Variants in BRDT observed in about 807,000 individuals in gnomAD.
BRDT encodes the protein bromodomain testis-specific protein.
Under a neutral mutation model 113.9 loss-of-function variants are expected in BRDT, and 77 were observed. That is an observed-to-expected ratio of 0.68 (90% CI 0.56 to 0.82). The LOEUF (loss-of-function observed/expected upper bound fraction) is 0.82, where lower values mean the gene tolerates loss of function less well. Among genes scored for constraint, BRDT ranks in the 40% least tolerant of loss-of-function variants. The pLI is 0.00. For missense variants in BRDT, 1,027 were observed against 1,105.4 expected, an observed-to-expected ratio of 0.93 and a Z score of 1.01; for synonymous variants, 358 against 366.5, an observed-to-expected ratio of 0.98 and a Z score of 0.26.
intron 1 of BRDT, among the ~76,000 whole-genome samples, chr1:91,960,700 A>C (rs1473314159): frequency 1.3e-5 from 2 of 152,264 alleles, no homozygotes; most frequent in East Asian, 3.8e-4. Context: ...TTTACGCCAC[A>C]GTTCAAAAAT....
At chr1:92,013,974 G>A (rs1324185582) in intron 18 of BRDT, among the ~76,000 whole-genome samples, 2 of 151,928 alleles carry the variant, frequency 1.3e-5, no homozygotes, top group Admixed American at 1.3e-4. Context: ...GTTCTTGTAG[G>A]TTTTGTTTTT....
chr1:91,959,945 C>T (rs982264209), intron 1 of BRDT, among the ~76,000 whole-genome samples: 1 of 152,168 alleles, frequency 6.6e-6, no homozygotes, highest in Admixed American at 6.6e-5. Flanking sequence ...AAAACTGATT[C>T]CCAGGCGCTC....
chr1:91,981,499 CT>C (rs1684727789), intron 11 of BRDT, 118 bp downstream of exon 11: 1 of 1,535,686 alleles, frequency 6.5e-7, no homozygotes, highest in East Asian at 2.3e-5. Flanking sequence ...CCACCTTGGC[CT>C]CTCAAAGTGC....
At position 91,953,917 on chromosome 1, in the gene BRDT, A is replaced by G. The variant is rs139144192; in HGVS notation, c.-38+4235A>G. ...TCTTGACATTAGATTTCATCTGCTCATGATACATTTTTTTTTTTACTTAGC... is the reference window on the plus strand; with the variant it reads ...TCTTGACATTAGATTTCATCTGCTCGTGATACATTTTTTTTTTTACTTAGC... On this transcript the variant is annotated intron_variant, in intron 1 of 18. Transcript: ENST00000399546. 6.4e-3 allele frequency among the ~76,000 whole-genome samples: 980 copies of G among 152,092 alleles called. 12 individuals are homozygous for G. The highest frequency in any genetic ancestry group is 0.042 in the Admixed American group (641 of 15,262).
At chr1:91,964,852 C>A in intron 3 of BRDT, 88 bp downstream of exon 3, 10 of 949,078 alleles carry the variant, frequency 1.1e-5, no homozygotes, top group Admixed American at 3.0e-5. Context: ...TTTCAGATTT[C>A]AATTCTCTTC....
chr1:91,976,969 C>CT (rs953705983), intron 5 of BRDT, 74 bp from the exon 6 acceptor site: 10 of 1,201,396 alleles, frequency 8.3e-6, no homozygotes, highest in Non-Finnish European at 1.1e-5. Context: ...CCCTTTTTTT[C>CT]TTTTAACTGA....
intron 4 of BRDT, among the ~76,000 whole-genome samples, chr1:91,973,956 G>GA (rs1310609469): frequency 6.6e-6 from 1 of 152,112 alleles, no homozygotes; most frequent in Non-Finnish European, 1.5e-5. Flanking sequence ...CAATGGAACA[G>GA]AACAGAGCCC....
intron 1 of BRDT, among the ~76,000 whole-genome samples, chr1:91,961,243 G>A (rs1177366020): frequency 2.6e-5 from 4 of 152,134 alleles, no homozygotes; most frequent in African/African-American, 7.2e-5. Flanking sequence ...GCCAGCAGGC[G>A]GAAGTTGCAG....
intron 1 of BRDT, chr1:91,957,466 C>G (rs1681908972): frequency 6.6e-6 from 1 of 151,570 alleles, no homozygotes; most frequent in Non-Finnish European, 1.5e-5. Flanking sequence ...GCACTCCAGC[C>G]TGGGCGACAG....
chr1:91,980,573 C>A, intron 8 of BRDT, 70 bp from the exon 9 acceptor site: 2 of 1,305,610 alleles, frequency 1.5e-6, no homozygotes, highest in Non-Finnish European at 2.0e-6. Context: ...TTTGGAGTGG[C>A]TTGATTTTTT....
chr1:91,964,832 CAT>C (rs754346617), intron 3 of BRDT, 68 bp downstream of exon 3: 216 of 1,113,124 alleles, frequency 1.9e-4, no homozygotes, highest in Non-Finnish European at 2.4e-4. Context: ...TGTATAAAAT[CAT>C]GTGATCATTT....
At chr1:91,984,826 A>G (rs1685063071) in intron 12 of BRDT, among the ~76,000 whole-genome samples, 1 of 152,068 alleles carries the variant, frequency 6.6e-6, no homozygotes, top group African/African-American at 2.4e-5. Flanking sequence ...ACAAAAATGT[A>G]TAGGGTTTCA....
chr1:91,963,487 C>T (rs1557809239), intron 2 of BRDT, among the ~76,000 whole-genome samples: 1 of 152,104 alleles, frequency 6.6e-6, no homozygotes. Context: ...GTATATGTCA[C>T]TTCACCTTTT....
At chr1:91,996,315 C>T (rs952443142) in intron 15 of BRDT, among the ~76,000 whole-genome samples, 2 of 152,164 alleles carry the variant, frequency 1.3e-5, no homozygotes, top group Non-Finnish European at 2.9e-5. Flanking sequence ...GTAGCACAAC[C>T]TCTGCTCACC....
intron 15 of BRDT, among the ~76,000 whole-genome samples, chr1:91,998,316 T>C (rs1422083938): frequency 2.0e-5 from 3 of 151,394 alleles, no homozygotes; most frequent in Non-Finnish European, 4.4e-5. Context: ...TGAGAGCACA[T>C]GGACACAGGG....
chr1:91,984,223 C>G (rs1280054889), intron 12 of BRDT, among the ~76,000 whole-genome samples: 1 of 150,982 alleles, frequency 6.6e-6, no homozygotes, highest in Admixed American at 6.6e-5. Flanking sequence ...TTTTTTTTTG[C>G]CTTTCTCCAC....
chr1:91,959,102 T>C (rs1339314840), intron 1 of BRDT, among the ~76,000 whole-genome samples: 1 of 152,016 alleles, frequency 6.6e-6, no homozygotes. Context: ...GTGTAATAAA[T>C]ACACATATAT....
chr1:91,988,631 C>T (rs1685486237), intron 12 of BRDT, among the ~76,000 whole-genome samples: 1 of 151,982 alleles, frequency 6.6e-6, no homozygotes, highest in African/African-American at 2.4e-5. Flanking sequence ...AAACTCCTGA[C>T]CTCAGGTGAT....
intron 12 of BRDT, among the ~76,000 whole-genome samples, chr1:91,985,731 C>T (rs1353505795): frequency 2.0e-5 from 3 of 151,240 alleles, no homozygotes; most frequent in African/African-American, 2.4e-5. Flanking sequence ...CTCCGCCTCC[C>T]GGGTTCACGT....
Sources: allele counts gnomAD v4.1 joint callset (sites outside exome capture counted in the v4.1 genomes callset), GRCh38; gene constraint gnomAD v4.1.1; transcripts MANE v1.5; gene names NCBI Gene and HGNC (gene_info 2026-07-23, HGNC 2026-07-21).